Variants in HIVEP3 observed in about 807,000 individuals in gnomAD.
The protein encoded by HIVEP3 is HIVEP zinc finger 3, also known as transcription factor HIVEP3.
In HIVEP3, 49 loss-of-function variants were observed where a neutral mutation model predicts 152.8. That is an observed-to-expected ratio of 0.32 (90% CI 0.26 to 0.41). The LOEUF (loss-of-function observed/expected upper bound fraction) is 0.41, where lower values mean the gene tolerates loss of function less well. Ranked by LOEUF, HIVEP3 falls within the 10% of genes least tolerant of loss-of-function variation. The pLI is 1.00. For missense variants in HIVEP3, 2,790 were observed against 3,103.3 expected (o/e 0.90, Z 2.40); for synonymous variants, 1,269 against 1,289.0 (o/e 0.98, Z 0.33).
intron 3 of HIVEP3, among the ~76,000 whole-genome samples, chr1:41,605,367 G>GCACACACACA (rs759038416): frequency 8.9e-6 from 1 of 111,784 alleles, no homozygotes; most frequent in African/African-American, 4.1e-5. Flanking sequence ...ATACACACAC[G>GCACACACACA]CACACGCGCA....
At chr1:41,545,584 T>TCACCACCACCAC (rs1558049155) in intron 5 of HIVEP3, among the ~76,000 whole-genome samples, 5 of 15,308 alleles carry the variant, frequency 3.3e-4, no homozygotes, top group Non-Finnish European at 4.8e-4. Context: ...ACCACCACCA[T>TCACCACCACCAC]CACCATCACC....
rs549750661 is a variant in HIVEP3, at chr1:41,729,372, C to A, written c.-800-28377G>T. Among the ~76,000 whole-genome samples the A allele has an allele frequency of 1.8e-4, 28 of 152,322 alleles. No individual in the cohort carries two copies. In the South Asian group the frequency reaches 4.3e-3, roughly 24 times the overall value. On this transcript the variant is annotated intron_variant, in intron 1 of 8. Coordinates refer to ENST00000372583, the MANE Select transcript of HIVEP3 (RefSeq NM_024503.5). ...ACTCTGTAAATCAACTGCTCATCTGCAAAACTGGCAAGAAACTGAGAAGGC... is the reference window on the plus strand; with the variant it reads ...ACTCTGTAAATCAACTGCTCATCTGAAAAACTGGCAAGAAACTGAGAAGGC...
At chr1:41,734,465 G>A (rs1009776485) in intron 1 of HIVEP3, among the ~76,000 whole-genome samples, 1 of 152,230 alleles carries the variant, frequency 6.6e-6, no homozygotes, top group Non-Finnish European at 1.5e-5. Context: ...CAGGGTCCAG[G>A]CTGGTGTTGA....
chr1:41,823,053 G>T (rs1483526182), intron 1 of HIVEP3, among the ~76,000 whole-genome samples: 1 of 152,198 alleles, frequency 6.6e-6, no homozygotes, highest in Non-Finnish European at 1.5e-5. Flanking sequence ...CCATAAGGGT[G>T]GGGCCCTAAT....
chr1:41,693,331 T>C (rs2124113071), intron 2 of HIVEP3, among the ~76,000 whole-genome samples: 1 of 152,358 alleles, frequency 6.6e-6, no homozygotes, highest in South Asian at 2.1e-4. Context: ...CTGTTTCTCA[T>C]TCTGCATTTC....
intron 1 of HIVEP3, among the ~76,000 whole-genome samples, chr1:42,005,251 A>G (rs1434022340): frequency 6.6e-6 from 1 of 152,182 alleles, no homozygotes; most frequent in African/African-American, 2.4e-5. Context: ...GGCTTTCTGT[A>G]TGTCTCTCAA....
rs758267609 is a variant in HIVEP3, at chr1:41,582,807, T to C, written c.1991A>G (p.Tyr664Cys). Residue 664 changes from tyrosine (Y) to cysteine (C), a missense_variant, in exon 4 of 9, where the codon TAC becomes TGC. By Grantham distance (194) the Tyr-to-Cys change is radical. Around this residue, in one of 9 missense-constraint regions of HIVEP3, gnomAD observed 339 missense variants for 327.0 expected, o/e 1.04. Transcript: ENST00000372583. This position sits in a 1 kb window ranked among gnomAD's most constrained non-coding sequence, Gnocchi z 4.7. Reference protein sequence around the residue: ...KRDNYEAHKKYYCSELQIAKP... With the variant: ...KRDNYEAHKKCYCSELQIAKP... ...TGCGATCTGAAGCTCTGAGCAGTAG[T>C]ATTTTTTGTGGGCTTCGTAGTTATC... The C allele has an allele frequency of 1.9e-6, 3 of 1,614,186 alleles. No homozygotes were observed. In the South Asian group the frequency reaches 3.3e-5, roughly 18 times the overall value.
intron 1 of HIVEP3, among the ~76,000 whole-genome samples, chr1:41,794,907 G>A (rs1175956201): frequency 6.6e-6 from 1 of 152,082 alleles, no homozygotes; most frequent in African/African-American, 2.4e-5. Flanking sequence ...CCATAACCAT[G>A]GCACAGTTCT....
rs6693638 is a variant in HIVEP3, at chr1:41,683,812, C to T, written c.-721+17104G>A. On this transcript the variant is annotated intron_variant, in intron 2 of 8. Coordinates refer to ENST00000372583, the MANE Select transcript of HIVEP3 (RefSeq NM_024503.5). ...GAAGAGGCTCAGGACCTGGAGGCAG[C>T]CCTCTGTGGTGCTGCCCCTCACTGC... Among the ~76,000 whole-genome samples, 1,171 of 152,296 alleles carry T rather than the reference C, an allele frequency of 7.7e-3. 5 individuals carry two copies. Among genetic ancestry groups the T allele is most frequent in the Non-Finnish European group, 0.014 (921 of 68,026 alleles).
chr1:41,807,284 C>A (rs1650688496), intron 1 of HIVEP3, among the ~76,000 whole-genome samples: 1 of 152,226 alleles, frequency 6.6e-6, no homozygotes, highest in Non-Finnish European at 1.5e-5. Flanking sequence ...ACAGGAGGGG[C>A]AGAAGACGAT....
intron 1 of HIVEP3, among the ~76,000 whole-genome samples, chr1:41,780,969 T>A (rs1305412687): frequency 6.6e-6 from 1 of 152,216 alleles, no homozygotes; most frequent in East Asian, 1.9e-4. Context: ...AAACAGAGAA[T>A]TTTAATTACA....
chr1:42,021,010 G>A (rs1192929588), intron 1 of HIVEP3, among the ~76,000 whole-genome samples: 1 of 152,146 alleles, frequency 6.6e-6, no homozygotes, highest in Non-Finnish European at 1.5e-5. Context: ...AGAAATCTAG[G>A]CAGAAGTCAG....
chr1:41,721,349 G>A (rs1215117983), intron 1 of HIVEP3, among the ~76,000 whole-genome samples: 2 of 152,090 alleles, frequency 1.3e-5, no homozygotes, highest in Non-Finnish European at 2.9e-5. Flanking sequence ...GGGATTACAG[G>A]CGCATGCCAC....
At chr1:41,776,314 T>A (rs1648701221) in intron 1 of HIVEP3, among the ~76,000 whole-genome samples, 1 of 152,236 alleles carries the variant, frequency 6.6e-6, no homozygotes, top group East Asian at 1.9e-4. Context: ...TGAGACAGGT[T>A]TGAATTCAGA....
intron 1 of HIVEP3, among the ~76,000 whole-genome samples, chr1:41,812,352 G>A (rs1377413033): frequency 6.6e-6 from 1 of 152,166 alleles, no homozygotes; most frequent in Non-Finnish European, 1.5e-5. Flanking sequence ...AGGGAGGATC[G>A]CTTAGGGCCA....
chr1:41,822,949 G>C (rs78431986), intron 1 of HIVEP3, among the ~76,000 whole-genome samples: 63 of 152,226 alleles, frequency 4.1e-4, no homozygotes, highest in African/African-American at 1.5e-3. Flanking sequence ...GGACTGAATT[G>C]TCTGCCCCAC....
chr1:41,882,534 G>T (rs1212958186), intron 1 of HIVEP3, among the ~76,000 whole-genome samples: 1 of 152,156 alleles, frequency 6.6e-6, no homozygotes, highest in Non-Finnish European at 1.5e-5. Context: ...CCATGAAAAA[G>T]ACATCATCAC....
At chr1:41,659,736 AT>A (rs1453623196) in intron 2 of HIVEP3, among the ~76,000 whole-genome samples, 1 of 152,246 alleles carries the variant, frequency 6.6e-6, no homozygotes, top group Non-Finnish European at 1.5e-5. Context: ...TAGTCGGCCA[AT>A]ATCCACAAAT....
intron 1 of HIVEP3, among the ~76,000 whole-genome samples, chr1:41,973,048 A>G (rs28452565): frequency 2.1e-5 from 3 of 142,198 alleles, no homozygotes; most frequent in Non-Finnish European, 4.7e-5. Flanking sequence ...ATGTGCGTGC[A>G]CACACACACA....
Sources: gnomAD v4.1 joint callset for allele counts (sites outside exome capture counted in the v4.1 genomes callset) on GRCh38, gnomAD v4.1.1 for gene constraint, gnomAD v4.1.1 regional missense constraint, Gnocchi (gnomAD v3.1) non-coding constraint, MANE v1.5 for transcripts, NCBI Gene and HGNC (gene_info 2026-07-23, HGNC 2026-07-21) for gene names.